Variants in TRMT9B observed in about 807,000 individuals in gnomAD.
TRMT9B encodes the protein probable tRNA methyltransferase 9B.
Under a neutral mutation model 11.5 loss-of-function variants are expected in TRMT9B, and 16 were observed. The ratio of observed to expected loss-of-function variants is 1.39; its 90% confidence interval spans 0.94 to 2.11. The LOEUF is 2.11. Ranked by LOEUF, TRMT9B falls within the 30% of genes most tolerant of loss-of-function variation. The probability of loss-of-function intolerance (pLI) is 0.00; values close to 1 mark genes in which losing one functional copy is unlikely to be tolerated. For synonymous variants in TRMT9B, 274 were observed against 192.4 expected (o/e 1.42, Z -3.51); for missense variants, 941 against 553.8 (o/e 1.70, Z -7.02).
intron 2 of TRMT9B, among the ~76,000 whole-genome samples, chr8:13,003,644 G>A (rs1193322750): frequency 2.0e-5 from 3 of 151,760 alleles, no homozygotes; most frequent in Non-Finnish European, 4.4e-5. Flanking sequence ...AGCCTTATGT[G>A]CCCGCCTAAG....
intron 2 of TRMT9B, among the ~76,000 whole-genome samples, chr8:12,995,181 G>C (rs1808121274): frequency 6.6e-6 from 1 of 152,182 alleles, no homozygotes; most frequent in Non-Finnish European, 1.5e-5. Context: ...AGACTTTCTA[G>C]AGCAAGAATT....
intron 1 of TRMT9B, among the ~76,000 whole-genome samples, chr8:12,973,926 G>T (rs1415542546): frequency 1.3e-5 from 2 of 152,198 alleles, no homozygotes; most frequent in Non-Finnish European, 2.9e-5. Context: ...TTGGGAGGCT[G>T]AGATGGGAGG....
At chr8:12,967,986 A>C (rs1386019009) in intron 1 of TRMT9B, among the ~76,000 whole-genome samples, 2 of 152,132 alleles carry the variant, frequency 1.3e-5, no homozygotes, top group East Asian at 1.9e-4. Flanking sequence ...ACCTCCGCCT[A>C]CTGGGCTCTC....
At chr8:12,955,041 G>A (rs1801119294) in intron 1 of TRMT9B, among the ~76,000 whole-genome samples, 1 of 152,204 alleles carries the variant, frequency 6.6e-6, no homozygotes, top group Non-Finnish European at 1.5e-5. Context: ...ATAATAAGAA[G>A]TAGGAGTGTG....
chr8:13,012,112 T>A, intron 3 of TRMT9B: 1 of 985,462 alleles, frequency 1.0e-6, no homozygotes, highest in Non-Finnish European at 1.2e-6. Flanking sequence ...GTTGCGCCAG[T>A]GTACTGAGCC....
intron 2 of TRMT9B, among the ~76,000 whole-genome samples, chr8:13,005,948 A>C (rs1810377651): frequency 6.6e-6 from 1 of 152,244 alleles, no homozygotes; most frequent in South Asian, 2.1e-4. Flanking sequence ...ACAGGAACTT[A>C]TTACACAATA....
In TRMT9B at chr8:13,022,151, G is replaced by A. The variant is rs1248188548; in HGVS notation, c.*107G>A. The stretch of plus-strand genomic sequence containing the variant: ...CAGTGTTATTTGTTAATCCATTTAC[G>A]CTTTGGTCTGCAGAGACTATTAATT... On this transcript the variant is annotated 3_prime_UTR_variant, in exon 5 of 5. Transcript: ENST00000524591. The A allele has an allele frequency of 1.0e-5, 8 of 794,848 alleles. No individual in the cohort carries two copies. Among genetic ancestry groups the A allele is most frequent in the East Asian group, 2.7e-5 (1 of 36,788 alleles). 49.2% of individuals were successfully genotyped at this position (794,848 alleles called of 1,614,324 possible). A position where few individuals can be genotyped will look rare whatever the true frequency, so the allele number is the denominator to read the frequency against.
chr8:13,012,147 T>A (rs1811728208), intron 3 of TRMT9B: 8 of 985,650 alleles, frequency 8.1e-6, no homozygotes, highest in Non-Finnish European at 9.6e-6. Context: ...TCATTAAATA[T>A]TCAATAAATG....
chr8:12,978,942 G>A (rs1804908786), intron 1 of TRMT9B, among the ~76,000 whole-genome samples: 1 of 152,196 alleles, frequency 6.6e-6, no homozygotes, highest in South Asian at 2.1e-4. Context: ...CCAGATCTTT[G>A]CCTTCTAAAT....
At chr8:12,994,546 T>G (rs913476707) in intron 2 of TRMT9B, among the ~76,000 whole-genome samples, 1 of 152,190 alleles carries the variant, frequency 6.6e-6, no homozygotes, top group Admixed American at 6.5e-5. Context: ...TTAGCTATGT[T>G]GGAATTCTCA....
chr8:13,003,773 C>T (rs1329550054), intron 2 of TRMT9B, among the ~76,000 whole-genome samples: 2 of 150,766 alleles, frequency 1.3e-5, no homozygotes, highest in Non-Finnish European at 2.9e-5. Flanking sequence ...GGTGTGTCCC[C>T]ACTCCGCCAC....
At chr8:12,986,790 A>G (rs567931875) in intron 1 of TRMT9B, among the ~76,000 whole-genome samples, 1 of 152,176 alleles carries the variant, frequency 6.6e-6, no homozygotes, top group African/African-American at 2.4e-5. Context: ...ACCAGGTCCT[A>G]TTAATTTGGT....
chr8:12,973,228 G>T (rs954526268), intron 1 of TRMT9B, among the ~76,000 whole-genome samples: 2 of 152,196 alleles, frequency 1.3e-5, no homozygotes, highest in African/African-American at 4.8e-5. Context: ...CCAACGCCCA[G>T]TTGGACACTG....
chr8:12,998,474 G>C (rs1233864903), intron 2 of TRMT9B, among the ~76,000 whole-genome samples: 2 of 152,216 alleles, frequency 1.3e-5, no homozygotes, highest in African/African-American at 4.8e-5. Context: ...GTGTGGTACA[G>C]AAAGAAACTC....
rs1005780840 is a variant in TRMT9B, at chr8:13,012,972, A to G, written c.328+115A>G. The G allele has an allele frequency of 3.2e-6, 4 of 1,267,594 alleles. No individual in the cohort carries two copies. The Admixed American group carries it at 1.4e-4, about 44-fold the overall frequency. 78.5% of individuals were successfully genotyped at this position (1,267,594 alleles called of 1,614,324 possible). A position where few individuals can be genotyped will look rare whatever the true frequency, so the allele number is the denominator to read the frequency against. Reference sequence around the variant, plus strand: ...TAGAAATGTCAATGTAATTTATTTTATCTAATTTAAAAAAATTGTTTCAAC... The same window carrying G: ...TAGAAATGTCAATGTAATTTATTTTGTCTAATTTAAAAAAATTGTTTCAAC... On this transcript the variant is annotated intron_variant, in intron 4 of 4. Transcript: ENST00000524591.
chr8:12,983,382 C>G (rs1422192009), intron 1 of TRMT9B, among the ~76,000 whole-genome samples: 1 of 152,042 alleles, frequency 6.6e-6, no homozygotes, highest in Admixed American at 6.5e-5. Context: ...TAAAAGCCAT[C>G]TAGCAGGCTG....
At chr8:13,016,777 T>C (rs1035948662) in intron 4 of TRMT9B, among the ~76,000 whole-genome samples, 5 of 150,616 alleles carry the variant, frequency 3.3e-5, no homozygotes, top group Non-Finnish European at 7.4e-5. Context: ...CCAGAGGACA[T>C]GAGCAATGTC....
In TRMT9B at chr8:13,016,175, A is replaced by G. The variant is rs530422524; in HGVS notation, c.328+3318A>G. ...ACCTGAAAATCATATATATAAACAT[A>G]TATAAATATAAATGTGAAATATATA... On this transcript the variant is annotated intron_variant, in intron 4 of 4. Coordinates refer to ENST00000524591, the MANE Select transcript of TRMT9B (RefSeq NM_020844.3). 7.6e-3 allele frequency among the ~76,000 whole-genome samples: 762 copies of G among 100,886 alleles called. 10 individuals carry two copies. The highest frequency in any genetic ancestry group is 0.028 in the African/African-American group (736 of 26,422). The allele number at this position is 100,886 out of a possible 152,430, so 66.2% of individuals were successfully genotyped here.
In TRMT9B at chr8:13,021,143, A is replaced by T; in HGVS notation, c.464A>T (p.Asp155Val). ...EQKNRHFEKQDVLVPWNRALC... is the reference protein window; with the variant it reads ...EQKNRHFEKQVVLVPWNRALC... Reference sequence around the variant, plus strand: ...AAGAACCGTCACTTTGAGAAGCAAGACGTGCTTGTTCCATGGAACAGGGCT... The same window carrying T: ...AAGAACCGTCACTTTGAGAAGCAAGTCGTGCTTGTTCCATGGAACAGGGCT... The change falls in exon 5 of 5, where the codon GAC becomes GTC. Residue 155 changes from aspartate to valine, a missense_variant. Asp to Val is a radical substitution (Grantham distance 152). Transcript: ENST00000524591. 6.2e-7 allele frequency: 1 copy of T among 1,613,894 alleles called. No homozygotes were observed. Among genetic ancestry groups the T allele is most frequent in the Non-Finnish European group, 8.5e-7 (1 of 1,179,802 alleles).
Sources: gnomAD v4.1 joint callset for allele counts (sites outside exome capture counted in the v4.1 genomes callset) on GRCh38, gnomAD v4.1.1 for gene constraint, MANE v1.5 for transcripts, NCBI Gene and HGNC (gene_info 2026-07-23, HGNC 2026-07-21) for gene names.